KHDRBS2: variants seen among roughly 807,000 people sequenced by gnomAD.
The protein encoded by KHDRBS2 is KH RNA binding domain containing, signal transduction associated 2, also known as KH domain-containing, RNA-binding, signal transduction-associated protein 2.
KHDRBS2 carries 26 observed loss-of-function variants against 44.3 expected under a neutral mutation model. The observed-to-expected ratio is 0.59, with a 90% CI of 0.43 to 0.81. The LOEUF (loss-of-function observed/expected upper bound fraction) is 0.81, where lower values mean the gene tolerates loss of function less well. Ranked by LOEUF, KHDRBS2 falls within the 40% of genes least tolerant of loss-of-function variation. The pLI is 0.00. For synonymous variants in KHDRBS2, 194 were observed against 151.1 expected, an observed-to-expected ratio of 1.28 and a Z score of -2.08; for missense variants, 476 against 433.1, an observed-to-expected ratio of 1.10 and a Z score of -0.88.
In KHDRBS2 at chr6:61,910,574, G is replaced by T. The variant is rs560876783; in HGVS notation, c.484-9203C>A. On this transcript the variant is annotated intron_variant, in intron 4 of 8. Coordinates refer to ENST00000281156, the MANE Select transcript of KHDRBS2 (RefSeq NM_152688.4). Reference sequence around the variant, plus strand: ...CAGAGAATAAGATAGTACCAATACAGACAGTATGTAGACATTTTGCAGGAA... The same window carrying T: ...CAGAGAATAAGATAGTACCAATACATACAGTATGTAGACATTTTGCAGGAA... 4.6e-4 allele frequency among the ~76,000 whole-genome samples: 70 copies of T among 152,232 alleles called. No individual in the cohort carries two copies. The South Asian group carries it at 0.014, about 31-fold the overall frequency.
intron 6 of KHDRBS2, among the ~76,000 whole-genome samples, chr6:61,802,665 T>C (rs980853992): frequency 2.6e-5 from 4 of 152,162 alleles, no homozygotes; most frequent in African/African-American, 9.7e-5. Flanking sequence ...TAGAAAATGC[T>C]CCCAAGTTCA....
chr6:62,209,611 T>C (rs951711597), intron 1 of KHDRBS2, among the ~76,000 whole-genome samples: 9 of 152,208 alleles, frequency 5.9e-5, no homozygotes, highest in Admixed American at 2.0e-4. Flanking sequence ...CAAAGTATCG[T>C]TCCTGGGTGT....
intron 6 of KHDRBS2, among the ~76,000 whole-genome samples, chr6:61,733,297 T>G (rs1373083097): frequency 6.6e-6 from 1 of 151,820 alleles, no homozygotes; most frequent in Non-Finnish European, 1.5e-5. Flanking sequence ...AGGAGTGAAA[T>G]AAAGACTTCG....
At chr6:61,871,232 T>C (rs1036749229) in intron 6 of KHDRBS2, among the ~76,000 whole-genome samples, 3 of 152,096 alleles carry the variant, frequency 2.0e-5, no homozygotes, top group African/African-American at 7.2e-5. Flanking sequence ...CATAGCTGGA[T>C]TGATCAAATG....
intron 6 of KHDRBS2, among the ~76,000 whole-genome samples, chr6:61,810,263 C>G (rs894937431): frequency 2.6e-5 from 4 of 151,972 alleles, no homozygotes; most frequent in African/African-American, 9.7e-5. Flanking sequence ...TTAGACTATG[C>G]CCTGAAGGGA....
the KHDRBS2 span, among the ~76,000 whole-genome samples, chr6:61,599,789 G>C: frequency 2.0e-5 from 3 of 152,162 alleles, no homozygotes; most frequent in Non-Finnish European, 2.9e-5. Flanking sequence ...TGATGACTCT[G>C]TTCCCAGTCC....
intron 7 of KHDRBS2, among the ~76,000 whole-genome samples, chr6:61,716,035 A>G (rs1385923659): frequency 6.6e-6 from 1 of 151,792 alleles, no homozygotes; most frequent in African/African-American, 2.4e-5. Context: ...GGTAAAGACT[A>G]TTATCCCTTC....
intron 3 of KHDRBS2, among the ~76,000 whole-genome samples, chr6:62,026,188 A>G (rs1783272768): frequency 6.6e-6 from 1 of 151,508 alleles, no homozygotes; most frequent in Non-Finnish European, 1.5e-5. Context: ...TAATATTTAT[A>G]CTTCTCTTTT....
chr6:62,013,858 TG>T (rs1306194664), intron 3 of KHDRBS2, among the ~76,000 whole-genome samples: 1 of 152,194 alleles, frequency 6.6e-6, no homozygotes, highest in African/African-American at 2.4e-5. Flanking sequence ...ATCACTGATG[TG>T]GCAAATCGCA....
chr6:62,179,103 A>G (rs1046857250), intron 1 of KHDRBS2, among the ~76,000 whole-genome samples: 9 of 151,618 alleles, frequency 5.9e-5, no homozygotes, highest in Non-Finnish European at 7.4e-5. Flanking sequence ...AAACATTTCA[A>G]TTAGTAATCT....
the KHDRBS2 span, among the ~76,000 whole-genome samples, chr6:61,662,292 A>G: frequency 2.0e-5 from 3 of 152,184 alleles, no homozygotes; most frequent in South Asian, 2.1e-4. Context: ...AACCATAAAA[A>G]CCCTAGAAGA....
chr6:62,170,757 A>G (rs1460609878), intron 2 of KHDRBS2, among the ~76,000 whole-genome samples: 1 of 152,042 alleles, frequency 6.6e-6, no homozygotes, highest in Admixed American at 6.6e-5. Flanking sequence ...TCCCCAGCAC[A>G]GCAGGTTCCT....
intron 6 of KHDRBS2, among the ~76,000 whole-genome samples, chr6:61,735,977 G>A (rs1157840767): frequency 1.3e-5 from 2 of 151,916 alleles, no homozygotes; most frequent in Admixed American, 6.6e-5. Flanking sequence ...TGAAATTACA[G>A]AATGCAATGC....
At chr6:61,883,141 A>AT (rs1800441285) in intron 6 of KHDRBS2, among the ~76,000 whole-genome samples, 2 of 152,164 alleles carry the variant, frequency 1.3e-5, no homozygotes, top group African/African-American at 4.8e-5. Flanking sequence ...AATCACTTTC[A>AT]TTTTTAATCC....
At chr6:62,086,297 A>C (rs761562667) in intron 2 of KHDRBS2, among the ~76,000 whole-genome samples, 4 of 152,214 alleles carry the variant, frequency 2.6e-5, no homozygotes, top group Non-Finnish European at 5.9e-5. Context: ...TAATCCCAGG[A>C]TTCTGTCTGA....
At chr6:61,569,442 C>G in the KHDRBS2 span, among the ~76,000 whole-genome samples, 1 of 152,190 alleles carries the variant, frequency 6.6e-6, no homozygotes, top group African/African-American at 2.4e-5. Flanking sequence ...AGCTGGTGCT[C>G]TCTTTAAAAT....
At chr6:61,851,670 C>A (rs1230252557) in intron 6 of KHDRBS2, among the ~76,000 whole-genome samples, 2 of 152,180 alleles carry the variant, frequency 1.3e-5, no homozygotes, top group Admixed American at 6.5e-5. Context: ...TAGTCTTGGA[C>A]TTCTAGCTTC....
At chr6:61,734,144 A>T (rs1291262833) in intron 6 of KHDRBS2, among the ~76,000 whole-genome samples, 1 of 152,160 alleles carries the variant, frequency 6.6e-6, no homozygotes, top group Non-Finnish European at 1.5e-5. Flanking sequence ...TGGTCTTACC[A>T]TCATATAATG....
At chr6:61,543,443 T>C in the KHDRBS2 span, among the ~76,000 whole-genome samples, 1 of 151,856 alleles carries the variant, frequency 6.6e-6, no homozygotes, top group African/African-American at 2.4e-5. Flanking sequence ...AGACAGGCAA[T>C]GACAAATGCT....
Sources: allele counts gnomAD v4.1 joint callset (sites outside exome capture counted in the v4.1 genomes callset), GRCh38; gene constraint gnomAD v4.1.1; transcripts MANE v1.5; gene names NCBI Gene and HGNC (gene_info 2026-07-23, HGNC 2026-07-21).